AADACL2: variants seen among roughly 807,000 people sequenced by gnomAD.
AADACL2 encodes arylacetamide deacetylase like 2.
AADACL2 carries 23 observed loss-of-function variants against 22.3 expected under a neutral mutation model. That is an observed-to-expected ratio of 1.03 (90% CI 0.74 to 1.46). The LOEUF (loss-of-function observed/expected upper bound fraction) is 1.46, where lower values mean the gene tolerates loss of function less well. Among genes scored for constraint, AADACL2 ranks in the 40% most tolerant of loss-of-function variants. AADACL2 has a pLI of 0.00. For missense variants in AADACL2, 472 were observed against 482.9 expected (o/e 0.98, Z 0.21); for synonymous variants, 177 against 166.2 (o/e 1.07, Z -0.50).
chr3:151,744,315 T>G (rs1713373345), intron 3 of AADACL2, among the ~76,000 whole-genome samples, 153 bp downstream of exon 3: 1 of 152,120 alleles, frequency 6.6e-6, no homozygotes, highest in Non-Finnish European at 1.5e-5. Context: ...CTCAAAGAGG[T>G]TCAGTGTCCC....
In AADACL2 at chr3:151,740,866, C is replaced by G; in HGVS notation, c.359C>G (p.Ser120Cys). ...GGTGGTGGTTTTTGTTTTGGAAGTT[C>G]CAGTAAGTTCATTGTATAAGGAAAA... ...FHGGGFCFGSSKQRAFDFLNR... is the reference protein window; with the variant it reads ...FHGGGFCFGSCKQRAFDFLNR... The change falls in exon 2 of 5, where the codon TCC becomes TGC. Residue 120 changes from serine to cysteine, a missense_variant and splice_region_variant. Around this residue, in one of 3 missense-constraint regions of AADACL2, gnomAD observed 356 missense variants for 365.5 expected, o/e 0.97. Coordinates refer to ENST00000356517, the MANE Select transcript of AADACL2 (RefSeq NM_207365.4). 1 of 1,613,552 alleles carries G rather than the reference C, an allele frequency of 6.2e-7. No homozygotes were observed. The highest frequency in any genetic ancestry group is 8.5e-7 in the Non-Finnish European group (1 of 1,179,752).
rs1417365446 is a variant in AADACL2 at position 151,757,534 on chromosome 3, T to A, written c.1146T>A (p.Tyr382Ter). Residue 382 changes from tyrosine (Y) to a stop codon, truncating the protein, a stop_gained, in exon 5 of 5, where the codon TAT becomes TAA. Coordinates refer to ENST00000356517, the MANE Select transcript of AADACL2 (RefSeq NM_207365.4). LOFTEE classifies it low-confidence loss of function (END_TRUNC). ...TATCATTCATGACTTCACCATTTTA[T>A]TTACGTCTAGGTCTTAGGATAAGAG... is the stretch of plus-strand genomic sequence containing the variant. ...GALSFMTSPF[Y>*]LRLGLRIRDM... The A allele has an allele frequency of 1.9e-6, 3 of 1,613,450 alleles. No individual in the cohort carries two copies. The highest frequency in any genetic ancestry group is 2.5e-6 in the Non-Finnish European group (3 of 1,179,554).
intron 3 of AADACL2, 29 bp downstream of exon 3, chr3:151,744,191 G>A: frequency 1.9e-6 from 3 of 1,611,368 alleles, no homozygotes; most frequent in Non-Finnish European, 2.5e-6. Flanking sequence ...TGGCTACTAT[G>A]ATTTTTGCCT....
At chr3:151,741,087 TG>T (rs1226576387) in intron 2 of AADACL2, among the ~76,000 whole-genome samples, 9 of 152,250 alleles carry the variant, frequency 5.9e-5, no homozygotes, top group Admixed American at 2.6e-4. Context: ...GTTTTTGTTT[TG>T]TTTTTTTATT....
At chr3:151,746,958 C>A (rs1220339830) in intron 4 of AADACL2, among the ~76,000 whole-genome samples, 2 of 150,444 alleles carry the variant, frequency 1.3e-5, no homozygotes, top group Non-Finnish European at 2.9e-5. Context: ...AGCTGGAGTG[C>A]AGTGGCGCGA....
chr3:151,753,714 A>C (rs1245903787), intron 4 of AADACL2, among the ~76,000 whole-genome samples: 1 of 152,128 alleles, frequency 6.6e-6, no homozygotes, highest in Admixed American at 6.6e-5. Context: ...CTCAAATAAC[A>C]AGTTAATATT....
At chr3:151,756,195 A>T (rs149239587) in intron 4 of AADACL2, among the ~76,000 whole-genome samples, 32 of 152,238 alleles carry the variant, frequency 2.1e-4, no homozygotes, top group African/African-American at 7.5e-4. Flanking sequence ...CTCTTGGGAG[A>T]TTAATTCAAC....
rs186045529 is a variant in AADACL2 at position 151,756,982 on chromosome 3, A to G, written c.604-10A>G. The G allele has an allele frequency of 2.5e-6, 4 of 1,577,890 alleles. No homozygotes were observed. The East Asian group carries it at 6.7e-5, about 27-fold the overall frequency. On this transcript the variant is annotated splice_polypyrimidine_tract_variant and intron_variant, in intron 4 of 4. Transcript: ENST00000356517. ...TGTTTGCATTACAGAATATTACCAT[A>G]TATTTTCAGGTGCAGAATGATGCTG...
rs1329084415 is a variant in AADACL2, at chr3:151,740,663, T to C, written c.156T>C (p.Asn52=). ...TCTFTAMCFE[N]MRIMRYEEFI... is the part of the protein sequence containing the mutation. ...TCTTACAGGCTATGTGTTTTGAAAA[T>C]ATGCGTATTATGAGATATGAAGAGT... Residue 52 remains asparagine (N), a synonymous_variant, in exon 2 of 5, where the codon AAT becomes AAC. Coordinates refer to ENST00000356517, the MANE Select transcript of AADACL2 (RefSeq NM_207365.4). The C allele has an allele frequency of 1.5e-5, 24 of 1,609,182 alleles. No homozygotes were observed. Among genetic ancestry groups the C allele is most frequent in the Non-Finnish European group, 2.0e-5 (24 of 1,177,230 alleles).
rs890640531 is a variant in AADACL2, at chr3:151,758,996, AAATT to A, written c.*1408_*1411del. The A allele has an allele frequency of 2.6e-5, 4 of 152,068 alleles. No individual in the cohort carries two copies. The highest frequency in any genetic ancestry group is 9.7e-5 in the African/African-American group (4 of 41,412). 9.4% of individuals were successfully genotyped at this position (152,068 alleles called of 1,614,324 possible). ...AATAAGATTTTTTTAATGTAGAGAG[AAATT>A]AATTATGTTCAAAGAGCCCTTTTTC... On this transcript the variant is annotated 3_prime_UTR_variant, in exon 5 of 5. Coordinates refer to ENST00000356517, the MANE Select transcript of AADACL2 (RefSeq NM_207365.4).
At chr3:151,753,516 T>C (rs1241592628) in intron 4 of AADACL2, among the ~76,000 whole-genome samples, 3 of 152,136 alleles carry the variant, frequency 2.0e-5, no homozygotes, top group African/African-American at 7.2e-5. Flanking sequence ...TGGTTCATAG[T>C]TTATCCAGAT....
rs1229484788 is a variant in AADACL2, at chr3:151,760,135, A to G, written c.*2541A>G. 1.3e-5 allele frequency: 2 copies of G among 152,102 alleles called. No homozygotes were observed. Among genetic ancestry groups the G allele is most frequent in the East Asian group, 1.9e-4 (1 of 5,196 alleles). The allele number at this position is 152,102 out of a possible 1,614,324, so 9.4% of individuals were successfully genotyped here. A position where few individuals can be genotyped will look rare whatever the true frequency, so the allele number is the denominator to read the frequency against. On this transcript the variant is annotated 3_prime_UTR_variant, in exon 5 of 5. Transcript: ENST00000356517. ...TAATATATTATTGTTAACTATAGTC[A>G]TCCTACAGTGGTATAGAAACTACCT... is the stretch of plus-strand genomic sequence containing the variant.
chr3:151,757,575 G>A lies in AADACL2; in HGVS notation c.1187G>A (p.Trp396Ter). 6.2e-7 allele frequency: 1 copy of A among 1,607,874 alleles called. No individual in the cohort carries two copies. The highest frequency in any genetic ancestry group is 8.5e-7 in the Non-Finnish European group (1 of 1,176,298). The change falls in exon 5 of 5, where the codon TGG becomes TAG. Residue 396 changes from tryptophan to a stop codon, truncating the protein, a stop_gained. Coordinates refer to ENST00000356517, the MANE Select transcript of AADACL2 (RefSeq NM_207365.4). LOFTEE classifies it high-confidence loss of function. ...AGGATAAGAGATATGTATGTAAGTTGGCTGGATAAGAATTTATAAATATGT... is the reference window on the plus strand; with the variant it reads ...AGGATAAGAGATATGTATGTAAGTTAGCTGGATAAGAATTTATAAATATGT... The part of the protein sequence containing the change: ...GLRIRDMYVS[W>*]LDKNL
intron 4 of AADACL2, 100 bp from the exon 5 acceptor site, chr3:151,756,891 TA>T (rs1409456487): frequency 9.8e-7 from 1 of 1,018,658 alleles, no homozygotes; most frequent in African/African-American, 1.6e-5. Context: ...CACATCAATT[TA>T]TGTAGATTTG....
intron 2 of AADACL2, 105 bp from the exon 3 acceptor site, chr3:151,743,988 T>C: frequency 8.6e-7 from 1 of 1,164,840 alleles, no homozygotes; most frequent in Non-Finnish European, 1.3e-6. Flanking sequence ...AAATAAAAGC[T>C]ATGTGATATT....
At position 151,757,593 on chromosome 3, in the gene AADACL2, A is replaced by C; in HGVS notation, c.1205A>C (p.Ter402SerextTer7). 6.2e-7 allele frequency: 1 copy of C among 1,602,602 alleles called. No homozygotes were observed. The highest frequency in any genetic ancestry group is 8.5e-7 in the Non-Finnish European group (1 of 1,173,854). ...MYVSWLDKNL[*>S] ...GTAAGTTGGCTGGATAAGAATTTAT[A>C]AATATGTGATGTGTATGTATAGCCC... The change falls in exon 5 of 5, where the codon TAA (stop) becomes TCA (serine). Residue 402 changes from the stop codon to serine, a stop_lost. Coordinates refer to ENST00000356517, the MANE Select transcript of AADACL2 (RefSeq NM_207365.4).
At chr3:151,746,965 G>A (rs577091058) in intron 4 of AADACL2, among the ~76,000 whole-genome samples, 126 of 151,086 alleles carry the variant, frequency 8.3e-4, no homozygotes, top group Non-Finnish European at 1.6e-3. Flanking sequence ...GTGCAGTGGC[G>A]CGATCTCAGC....
At chr3:151,745,419 T>G in intron 3 of AADACL2, 90 bp from the exon 4 acceptor site, 1 of 1,332,870 alleles carries the variant, frequency 7.5e-7, no homozygotes, top group Non-Finnish European at 1.0e-6. Context: ...GACTGAACAA[T>G]AAAGACTGGC....
Position 151,746,096 on chromosome 3 carries a change from C to T in AADACL2, c.603+416C>T, listed in dbSNP as rs375916778. ...ATTAATGTACATGGCATGTCTCATA[C>T]TTTATTAGATCCTCTTCAATTTCTC... On this transcript the variant is annotated intron_variant, in intron 4 of 4. Transcript: ENST00000356517. 2.2e-4 allele frequency among the ~76,000 whole-genome samples: 33 copies of T among 152,134 alleles called. 1 individual carries two copies. The South Asian group carries it at 6.4e-3, about 30-fold the overall frequency.
Sources: allele counts gnomAD v4.1 joint callset (sites outside exome capture counted in the v4.1 genomes callset), GRCh38; gene constraint gnomAD v4.1.1; regional missense constraint gnomAD v4.1.1; transcripts MANE v1.5; gene names NCBI Gene and HGNC (gene_info 2026-07-23, HGNC 2026-07-21).